Variants in ASPG observed in about 807,000 individuals in gnomAD.
ASPG encodes 60 kDa lysophospholipase.
Under a neutral mutation model 63.2 loss-of-function variants are expected in ASPG, and 53 were observed. That is an observed-to-expected ratio of 0.84 (90% CI 0.67 to 1.05). The LOEUF (loss-of-function observed/expected upper bound fraction) is 1.05, where lower values mean the gene tolerates loss of function less well. Among genes scored for constraint, ASPG ranks in the 50% least tolerant of loss-of-function variants. The probability of loss-of-function intolerance (pLI) is 0.00; values close to 1 mark genes in which losing one functional copy is unlikely to be tolerated. For synonymous variants in ASPG, 370 were observed against 355.0 expected (o/e 1.04, Z -0.48); for missense variants, 741 against 794.4 (o/e 0.93, Z 0.81).
intron 12 of ASPG, 75 bp downstream of exon 12, chr14:104,107,420 C>G (rs573635318): frequency 5.1e-5 from 66 of 1,290,180 alleles, no homozygotes; most frequent in Admixed American, 1.5e-4. Context: ...TGCACTCAAA[C>G]AGCCTCCCGG....
chr14:104,089,386 G>A (rs938646225), intron 1 of ASPG, among the ~76,000 whole-genome samples: 1 of 152,016 alleles, frequency 6.6e-6, no homozygotes, highest in Non-Finnish European at 1.5e-5. Context: ...AGATGTGGTG[G>A]CAGATGCCTG....
At position 104,098,967 on chromosome 14, in the gene ASPG, G is replaced by A. The variant is rs941361820; in HGVS notation, c.628G>A (p.Ala210Thr). 1.9e-6 allele frequency: 3 copies of A among 1,595,470 alleles called. No individual in the cohort carries two copies. The highest frequency in any genetic ancestry group is 2.6e-6 in the Non-Finnish European group (3 of 1,171,666). The change falls in exon 6 of 16, where the codon GCT (alanine) becomes ACT (threonine). Residue 210 changes from alanine to threonine, a missense_variant. Transcript: ENST00000551177. ...PNLLPLATVG[A>T]DITINRELVR... ...CCTGCTGCCTCTGGCCACAGTGGGT[G>A]CTGACATCACAAGTAAGCCCCGCAG...
intron 12 of ASPG, 120 bp downstream of exon 12, chr14:104,107,465 C>T (rs1462191722): frequency 9.6e-7 from 1 of 1,045,874 alleles, no homozygotes; most frequent in African/African-American, 1.6e-5. Flanking sequence ...CACCTGCTTC[C>T]TAAAGGCTGC....
intron 5 of ASPG, among the ~76,000 whole-genome samples, chr14:104,098,364 C>T (rs1194002823): frequency 6.6e-6 from 1 of 152,130 alleles, no homozygotes; most frequent in Admixed American, 6.5e-5. Flanking sequence ...CAAAGATCTC[C>T]CCCACCCTGG....
rs746124108 is a variant in ASPG at position 104,109,912 on chromosome 14, ATGT to A, written c.1520+606_1520+608del. 8.9e-5 allele frequency: 87 copies of A among 975,940 alleles called. No individual in the cohort carries two copies. The highest frequency in any genetic ancestry group is 1.1e-4 in the East Asian group (1 of 8,728). The allele number at this position is 975,940 out of a possible 1,614,324, so 60.5% of individuals were successfully genotyped here. ...AGGCAGGCTCAGGCCTTCTGACATC[ATGT>A]TGTTGTTGGGGAGACTGAGGCGCAG... On this transcript the variant is annotated intron_variant, in intron 13 of 15. Transcript: ENST00000551177. The surrounding 1 kb of genome is among the most constrained non-coding windows in gnomAD (Gnocchi z 4.8).
chr14:104,108,793 C>G, intron 12 of ASPG: 8 of 985,332 alleles, frequency 8.1e-6, no homozygotes, highest in Non-Finnish European at 9.6e-6. Flanking sequence ...GAGGAGGTCA[C>G]CACGGGGTGT....
intron 3 of ASPG, 86 bp from the exon 4 acceptor site, chr14:104,095,445 C>T: frequency 1.3e-6 from 2 of 1,578,636 alleles, no homozygotes; most frequent in South Asian, 2.3e-5. Flanking sequence ...CTCCTCTCTG[C>T]ATCCGGACCC....
rs1414759961 is a variant in ASPG at position 104,110,093 on chromosome 14, C to T, written c.1520+778C>T. ...CCTCCTGTGCCCAGCCTGGGCTGCC[C>T]GAGGCCAGGACGACTCCGAGGGACC... is the stretch of plus-strand genomic sequence containing the variant. On this transcript the variant is annotated intron_variant, in intron 13 of 15. Transcript: ENST00000551177. This position sits in a 1 kb window ranked among gnomAD's most constrained non-coding sequence, Gnocchi z 4.7. The T allele has an allele frequency of 5.1e-6, 5 of 985,138 alleles. No homozygotes were observed. Among genetic ancestry groups the T allele is most frequent in the Non-Finnish European group, 4.8e-6 (4 of 829,892 alleles). 61.0% of individuals were successfully genotyped at this position (985,138 alleles called of 1,614,324 possible). A position where few individuals can be genotyped will look rare whatever the true frequency, so the allele number is the denominator to read the frequency against.
intron 10 of ASPG, among the ~76,000 whole-genome samples, 185 bp downstream of exon 10, chr14:104,105,635 C>T (rs1252063255): frequency 6.6e-6 from 1 of 152,166 alleles, no homozygotes; most frequent in East Asian, 1.9e-4. Context: ...TTTGCAGGGT[C>T]TATAAGGCAG....
At chr14:104,092,021 G>A (rs1033995427) in intron 1 of ASPG, among the ~76,000 whole-genome samples, 4 of 152,076 alleles carry the variant, frequency 2.6e-5, no homozygotes, top group African/African-American at 9.7e-5. Flanking sequence ...CACTTGCTGT[G>A]TGCTAGGCCC....
In ASPG at chr14:104,103,384, G is replaced by A. The variant is rs184150371; in HGVS notation, c.641-179G>A. On this transcript the variant is annotated intron_variant, in intron 6 of 15. Transcript: ENST00000551177. ...CGGAGCCTGGCACAGGCCGGACTGC[G>A]CGGAAGCCCGGGAGGATTTGCCTGC... Among the ~76,000 whole-genome samples the A allele has an allele frequency of 3.2e-4, 48 of 152,364 alleles. No individual in the cohort carries two copies. In the East Asian group the frequency reaches 8.7e-3, roughly 28 times the overall value.
chr14:104,108,873 C>T (rs1890986), intron 12 of ASPG: 503,418 of 985,192 alleles, frequency 0.51, 133,948 homozygotes, highest in Non-Finnish European at 0.54. Context: ...GGGCTGTCCC[C>T]TTGGAATGGG....
chr14:104,105,564 A>G, intron 10 of ASPG, 114 bp downstream of exon 10: 2 of 1,368,556 alleles, frequency 1.5e-6, no homozygotes, highest in Non-Finnish European at 1.9e-6. Flanking sequence ...GAGCCCAAAC[A>G]GTTAGGCACA....
Position 104,106,783 on chromosome 14 carries a change from C to A in ASPG, c.1174-16C>A. ...AAGGGAGGCGTGGGTCCCAGGGTGC[C>A]GCCTTCCCCACCTAGGAGGCAGATG... On this transcript the variant is annotated splice_polypyrimidine_tract_variant and intron_variant, in intron 10 of 15. Transcript: ENST00000551177. The A allele has an allele frequency of 6.4e-7, 1 of 1,573,982 alleles. No homozygotes were observed. Among genetic ancestry groups the A allele is most frequent in the African/African-American group, 1.4e-5 (1 of 74,050 alleles).
chr14:104,097,455 C>T (rs897577372), intron 4 of ASPG, 99 bp from the exon 5 acceptor site: 1 of 1,208,204 alleles, frequency 8.3e-7, no homozygotes, highest in Non-Finnish European at 1.1e-6. Context: ...CCGCCTGGGG[C>T]TCCTGGGCTG....
At chr14:104,096,045 C>A (rs905862114) in intron 4 of ASPG, among the ~76,000 whole-genome samples, 1 of 152,334 alleles carries the variant, frequency 6.6e-6, no homozygotes, top group South Asian at 2.1e-4. Flanking sequence ...GAGGCCCCGG[C>A]CATGTCCCTG....
At chr14:104,093,011 G>A (rs879741070) in intron 2 of ASPG, 35 of 529,362 alleles carry the variant, frequency 6.6e-5, no homozygotes, top group Admixed American at 1.3e-4. Flanking sequence ...TGATGAGGGC[G>A]CCCCGTCTAG....
At chr14:104,099,007 G>A in intron 6 of ASPG, 28 bp downstream of exon 6, 1 of 1,561,434 alleles carries the variant, frequency 6.4e-7, no homozygotes, top group South Asian at 1.2e-5. Flanking sequence ...AGGGCCAGGT[G>A]CCTGCCCAGT....
intron 4 of ASPG, among the ~76,000 whole-genome samples, chr14:104,096,784 G>A (rs1306391256): frequency 2.6e-5 from 4 of 152,158 alleles, no homozygotes; most frequent in East Asian, 3.9e-4. Context: ...CCACAGCCAC[G>A]TACCACGTGA....
Sources: allele counts gnomAD v4.1 joint callset (sites outside exome capture counted in the v4.1 genomes callset), GRCh38; gene constraint gnomAD v4.1.1; non-coding constraint Gnocchi (gnomAD v3.1); transcripts MANE v1.5; gene names NCBI Gene and HGNC (gene_info 2026-07-23, HGNC 2026-07-21).